Variants in LRRC4C observed in about 807,000 individuals in gnomAD.
LRRC4C encodes leucine-rich repeat-containing protein 4C.
In LRRC4C, 5 loss-of-function variants were observed where a neutral mutation model predicts 33.6. The observed-to-expected ratio is 0.15, with a 90% confidence interval of 0.08 to 0.31. The LOEUF (loss-of-function observed/expected upper bound fraction) is 0.31, where lower values mean the gene tolerates loss of function less well. LRRC4C is among the 10% of genes least tolerant of loss of function. The pLI, the probability that LRRC4C is intolerant of heterozygous loss-of-function variation, is 1.00. For synonymous variants in LRRC4C, 329 were observed against 302.0 expected (o/e 1.09, Z -0.93); for missense variants, 560 against 796.7 (o/e 0.70, Z 3.58).
chr11:41,084,580 G>A (rs1481914058), intron 1 of LRRC4C, among the ~76,000 whole-genome samples: 1 of 152,132 alleles, frequency 6.6e-6, no homozygotes, highest in Non-Finnish European at 1.5e-5. Flanking sequence ...TGGGCACAGT[G>A]GCTCACGCCT....
At chr11:40,503,270 C>A (rs1344667981) in intron 3 of LRRC4C, among the ~76,000 whole-genome samples, 1 of 152,154 alleles carries the variant, frequency 6.6e-6, no homozygotes, top group East Asian at 1.9e-4. Context: ...TTTCAAAGTA[C>A]CTTTTCTTAA....
intron 1 of LRRC4C, among the ~76,000 whole-genome samples, chr11:41,442,380 A>G (rs547220229): frequency 1.3e-5 from 2 of 151,894 alleles, no homozygotes; most frequent in South Asian, 4.2e-4. Context: ...TGAAAAAATA[A>G]TGGCAAATTT....
At chr11:41,341,062 C>T (rs1951619790) in intron 1 of LRRC4C, among the ~76,000 whole-genome samples, 2 of 151,206 alleles carry the variant, frequency 1.3e-5, no homozygotes, top group South Asian at 4.1e-4. Flanking sequence ...AAAAGGTTAG[C>T]AAACAAAGTA....
At chr11:40,719,913 C>T (rs1294719919) in intron 2 of LRRC4C, among the ~76,000 whole-genome samples, 1 of 149,730 alleles carries the variant, frequency 6.7e-6, no homozygotes, top group African/African-American at 2.5e-5. Flanking sequence ...TTTCTGAAAA[C>T]TATCCAACTT....
At chr11:40,348,564 G>A (rs965665966) in intron 3 of LRRC4C, among the ~76,000 whole-genome samples, 4 of 151,938 alleles carry the variant, frequency 2.6e-5, no homozygotes, top group South Asian at 2.1e-4. Flanking sequence ...ACTTATTTTC[G>A]CTTGTAGTAG....
intron 4 of LRRC4C, among the ~76,000 whole-genome samples, chr11:40,290,486 G>T (rs1944120921): frequency 6.6e-6 from 1 of 152,188 alleles, no homozygotes; most frequent in South Asian, 2.1e-4. Context: ...TTTAGTTAAG[G>T]AGTAATGAAA....
intron 1 of LRRC4C, among the ~76,000 whole-genome samples, chr11:41,049,465 C>A (rs1044130052): frequency 1.3e-5 from 2 of 152,022 alleles, no homozygotes; most frequent in Non-Finnish European, 2.9e-5. Flanking sequence ...TTGTGAGAAA[C>A]CCAGAGTAAA....
chr11:40,665,044 G>T (rs1470106930), intron 2 of LRRC4C, among the ~76,000 whole-genome samples: 1 of 150,472 alleles, frequency 6.6e-6, no homozygotes, highest in Non-Finnish European at 1.5e-5. Flanking sequence ...TTGTCCTTGC[G>T]GTAGTTTGCT....
intron 4 of LRRC4C, among the ~76,000 whole-genome samples, chr11:40,254,335 T>C (rs145722283): frequency 1.1e-4 from 17 of 152,338 alleles, no homozygotes; most frequent in Non-Finnish European, 1.9e-4. Flanking sequence ...ATGAGGGAAC[T>C]CAGGATCTGA....
intron 3 of LRRC4C, among the ~76,000 whole-genome samples, chr11:40,432,751 T>C (rs766855486): frequency 1.3e-5 from 2 of 152,204 alleles, no homozygotes; most frequent in African/African-American, 2.4e-5. Flanking sequence ...ATTCAGTAGT[T>C]CTCAAAATAA....
chr11:40,635,939 A>G (rs537704024), intron 3 of LRRC4C, among the ~76,000 whole-genome samples: 2 of 152,180 alleles, frequency 1.3e-5, no homozygotes, highest in East Asian at 1.9e-4. Flanking sequence ...GCGCCCGGCC[A>G]GAAGAGCCTA....
At position 40,892,932 on chromosome 11, in the gene LRRC4C, T is replaced by C. The variant is rs569474299; in HGVS notation, c.-407+40703A>G. 5.9e-5 allele frequency among the ~76,000 whole-genome samples: 9 copies of C among 152,326 alleles called. No individual in the cohort carries two copies. The South Asian group carries it at 1.9e-3, about 32-fold the overall frequency. The stretch of plus-strand genomic sequence containing the variant: ...GTACATTTATGAATGGTTAAAATGA[T>C]AAATGTTGTGTATGTGTTACCACAA... On this transcript the variant is annotated intron_variant, in intron 2 of 6. Transcript: ENST00000528697.
chr11:40,615,570 T>G (rs1961722588), intron 3 of LRRC4C, among the ~76,000 whole-genome samples: 1 of 151,664 alleles, frequency 6.6e-6, no homozygotes, highest in Non-Finnish European at 1.5e-5. Context: ...TAACAGACAT[T>G]AGTCTTCCTT....
intron 1 of LRRC4C, among the ~76,000 whole-genome samples, chr11:41,106,308 A>G (rs921277735): frequency 6.6e-6 from 1 of 151,950 alleles, no homozygotes; most frequent in Non-Finnish European, 1.5e-5. Flanking sequence ...AGAGGCAGCA[A>G]TGCAGCAAGT....
intron 1 of LRRC4C, among the ~76,000 whole-genome samples, chr11:41,136,339 C>T (rs1943259679): frequency 6.6e-6 from 1 of 152,052 alleles, no homozygotes; most frequent in South Asian, 2.1e-4. Context: ...TGAAAAGGAT[C>T]AGAGGTAAAA....
intron 1 of LRRC4C, among the ~76,000 whole-genome samples, chr11:41,294,253 C>CA (rs1950075156): frequency 2.0e-5 from 3 of 152,156 alleles, no homozygotes; most frequent in Non-Finnish European, 2.9e-5. Flanking sequence ...GCCTCAAAAA[C>CA]AAAAAATCAC....
At chr11:40,639,461 G>T (rs956723079) in intron 3 of LRRC4C, among the ~76,000 whole-genome samples, 15 of 152,172 alleles carry the variant, frequency 9.9e-5, no homozygotes, top group African/African-American at 3.6e-4. Flanking sequence ...AGCCAGAATT[G>T]TTCTCACAGA....
chr11:41,407,706 C>A (rs1485896689), intron 1 of LRRC4C, among the ~76,000 whole-genome samples: 1 of 152,118 alleles, frequency 6.6e-6, no homozygotes, highest in Admixed American at 6.5e-5. Context: ...CAGGAGCTGT[C>A]CCTGTGGTGA....
chr11:40,846,504 T>G (rs985648648), intron 2 of LRRC4C, among the ~76,000 whole-genome samples: 4 of 152,186 alleles, frequency 2.6e-5, no homozygotes, highest in Non-Finnish European at 5.9e-5. Flanking sequence ...GTGGTGTTAC[T>G]GCTAAGGCCT....
Sources: allele counts gnomAD v4.1 joint callset (sites outside exome capture counted in the v4.1 genomes callset), GRCh38; gene constraint gnomAD v4.1.1; transcripts MANE v1.5; gene names NCBI Gene and HGNC (gene_info 2026-07-23, HGNC 2026-07-21).